Variants in BMPER observed in about 807,000 individuals in gnomAD.
BMPER encodes the protein BMP-binding endothelial regulator protein.
A neutral mutation model predicts 87.3 loss-of-function variants in BMPER; 45 were observed. The observed-to-expected ratio is 0.52, with a 90% CI of 0.41 to 0.66. The LOEUF (loss-of-function observed/expected upper bound fraction) is 0.66. Ranked by LOEUF, BMPER falls within the 30% of genes least tolerant of loss-of-function variation. The pLI, the probability that BMPER is intolerant of heterozygous loss-of-function variation, is 0.00. For missense variants in BMPER, 784 were observed against 867.5 expected, an observed-to-expected ratio of 0.90 and a Z score of 1.21; for synonymous variants, 326 against 316.2, an observed-to-expected ratio of 1.03 and a Z score of -0.33.
At chr7:34,048,122 T>C (rs1788037995) in intron 7 of BMPER, among the ~76,000 whole-genome samples, 1 of 152,114 alleles carries the variant, frequency 6.6e-6, no homozygotes, top group Non-Finnish European at 1.5e-5. Context: ...CTCTCCTTTC[T>C]TTCAGAGTTT....
At chr7:34,078,804 G>C in intron 11 of BMPER, 53 bp from the exon 12 acceptor site, 1 of 1,584,288 alleles carries the variant, frequency 6.3e-7, no homozygotes, top group Non-Finnish European at 8.7e-7. Context: ...TGATTTCTCT[G>C]TGAATCCTTG....
intron 13 of BMPER, among the ~76,000 whole-genome samples, chr7:34,124,711 G>A (rs1790354764): frequency 6.6e-6 from 1 of 151,924 alleles, no homozygotes; most frequent in Admixed American, 6.6e-5. Context: ...AGTTAATAGT[G>A]GTAATGAAAA....
intron 11 of BMPER, among the ~76,000 whole-genome samples, chr7:34,072,430 G>T (rs1251830657): frequency 6.8e-6 from 1 of 147,292 alleles, no homozygotes; most frequent in African/African-American, 2.6e-5. Context: ...CTAGGGAAGA[G>T]AATCGATTTT....
intron 13 of BMPER, among the ~76,000 whole-genome samples, chr7:34,091,514 A>G (rs1469744840): frequency 6.6e-6 from 1 of 152,222 alleles, no homozygotes; most frequent in Non-Finnish European, 1.5e-5. Context: ...TGCTGACACC[A>G]GGTGGCAGTA....
At chr7:34,098,981 A>G (rs1312753570) in intron 13 of BMPER, among the ~76,000 whole-genome samples, 1 of 152,252 alleles carries the variant, frequency 6.6e-6, no homozygotes, top group Admixed American at 6.5e-5. Flanking sequence ...CAGTCATGTT[A>G]GCTGGCATTG....
chr7:33,981,119 C>T (rs1785845635), intron 6 of BMPER, among the ~76,000 whole-genome samples: 1 of 152,304 alleles, frequency 6.6e-6, no homozygotes, highest in East Asian at 1.9e-4. Context: ...GGCCTTCAGA[C>T]AGAACCTCTC....
At chr7:34,065,253 T>A in intron 11 of BMPER, among the ~76,000 whole-genome samples, 1 of 147,466 alleles carries the variant, frequency 6.8e-6, no homozygotes, top group Non-Finnish European at 1.5e-5. Context: ...TCTCTCCCTC[T>A]CTCTCTCTCT....
intron 13 of BMPER, among the ~76,000 whole-genome samples, chr7:34,124,776 A>C (rs1000744981): frequency 6.6e-6 from 1 of 152,118 alleles, no homozygotes; most frequent in African/African-American, 2.4e-5. Flanking sequence ...GTTAAGAACA[A>C]TTTTGGCTCT....
chr7:33,979,875 G>T (rs538603264), intron 6 of BMPER, among the ~76,000 whole-genome samples: 1 of 152,322 alleles, frequency 6.6e-6, no homozygotes, highest in East Asian at 1.9e-4. Context: ...TGATGTTTTC[G>T]TGATGTGGTG....
chr7:33,966,003 A>G (rs1411192244), intron 3 of BMPER, among the ~76,000 whole-genome samples: 1 of 152,230 alleles, frequency 6.6e-6, no homozygotes, highest in African/African-American at 2.4e-5. Flanking sequence ...ACAGTAGCTC[A>G]TCAACAATCT....
intron 6 of BMPER, among the ~76,000 whole-genome samples, chr7:33,993,751 T>G (rs970456674): frequency 6.6e-6 from 1 of 152,220 alleles, no homozygotes; most frequent in African/African-American, 2.4e-5. Context: ...CTTTGTGGTT[T>G]TATCTACTTT....
At chr7:33,997,292 C>T (rs1450639429) in intron 6 of BMPER, among the ~76,000 whole-genome samples, 1 of 152,186 alleles carries the variant, frequency 6.6e-6, no homozygotes, top group African/African-American at 2.4e-5. Flanking sequence ...CCAAGACTCT[C>T]CTTCTGATAT....
At chr7:34,047,816 TCAC>T (rs1328507523) in intron 7 of BMPER, among the ~76,000 whole-genome samples, 565 of 140,592 alleles carry the variant, frequency 4.0e-3, no homozygotes, top group Non-Finnish European at 5.2e-3. Context: ...CCTTTCTTCC[TCAC>T]TTTCCTACTT....
intron 6 of BMPER, among the ~76,000 whole-genome samples, chr7:34,008,328 G>T (rs568069370): frequency 6.6e-6 from 1 of 151,820 alleles, no homozygotes; most frequent in Non-Finnish European, 1.5e-5. Flanking sequence ...TGTCACTGTT[G>T]ATTCTGTAGT....
rs140406284 is a variant in BMPER at position 34,085,798 on chromosome 7, T to C, written c.1451T>C (p.Met484Thr). Residue 484 changes from methionine (M) to threonine (T), a missense_variant, in exon 13 of 15, where the codon ATG becomes ACG. Coordinates refer to ENST00000649409, the MANE Select transcript of BMPER (RefSeq NM_001365308.1). ...GATGGAGACAGTTTTGTAGAAGTCA[T>C]GGCTGCGCCGCATCTCAAGGGCAAG... Reference protein sequence around the residue: ...SWDGDSFVEVMAAPHLKGKLC... With the variant: ...SWDGDSFVEVTAAPHLKGKLC... 184 of 1,614,246 alleles carry C rather than the reference T, an allele frequency of 1.1e-4. No individual in the cohort carries two copies. In the African/African-American group the frequency reaches 2.3e-3, roughly 20 times the overall value.
intron 6 of BMPER, among the ~76,000 whole-genome samples, chr7:34,038,605 G>T (rs1585764277): frequency 1.3e-5 from 2 of 152,182 alleles, no homozygotes; most frequent in East Asian, 3.9e-4. Flanking sequence ...ACATTAATTG[G>T]CATGCAAAAT....
chr7:34,095,607 A>G (rs1309007647), intron 13 of BMPER, among the ~76,000 whole-genome samples: 1 of 152,236 alleles, frequency 6.6e-6, no homozygotes, highest in Non-Finnish European at 1.5e-5. Flanking sequence ...AAGAAGACTC[A>G]AAGTTCTCTC....
At chr7:33,922,062 T>A (rs1784246481) in intron 2 of BMPER, 1 of 331,424 alleles carries the variant, frequency 3.0e-6, no homozygotes, top group Non-Finnish European at 6.1e-6. Flanking sequence ...TGCTGCCCTG[T>A]TTCTGCCCAC....
At chr7:33,988,298 A>G (rs1786072391) in intron 6 of BMPER, among the ~76,000 whole-genome samples, 1 of 152,134 alleles carries the variant, frequency 6.6e-6, no homozygotes, top group African/African-American at 2.4e-5. Flanking sequence ...GTCAAGTTCA[A>G]CAACAGGAGA....
Sources: allele counts gnomAD v4.1 joint callset (sites outside exome capture counted in the v4.1 genomes callset), GRCh38; gene constraint gnomAD v4.1.1; transcripts MANE v1.5; gene names NCBI Gene and HGNC (gene_info 2026-07-23, HGNC 2026-07-21).